The following SYAP1 variants were observed in gnomAD, a reference collection of about 807,000 sequenced individuals.
SYAP1 encodes synapse-associated protein 1.
A neutral mutation model predicts 29.6 loss-of-function variants in SYAP1; 3 were observed. The observed-to-expected ratio is 0.10, with a 90% CI of 0.05 to 0.26. The LOEUF is 0.26. Ranked by LOEUF, SYAP1 falls within the 10% of genes least tolerant of loss-of-function variation. The pLI is 1.00. For synonymous variants in SYAP1, 102 were observed against 102.7 expected, an observed-to-expected ratio of 0.99 and a Z score of 0.04; for missense variants, 217 against 264.1, an observed-to-expected ratio of 0.82 and a Z score of 1.24.
intron 1 of SYAP1, among the ~76,000 whole-genome samples, chrX:16,721,398 A>G (rs1925957494): frequency 9.1e-6 from 1 of 110,100 alleles, no homozygotes; most frequent in African/African-American, 3.3e-5. Context: ...CGCCCAGCTA[A>G]TTTTTGTATT....
Position 16,756,805 on chromosome X carries a change from T to A in SYAP1, c.783+84T>A, listed in dbSNP as rs60942197. 6.4e-3 allele frequency: 5,788 copies of A among 910,565 alleles called. 185 individuals carry two copies. The African/African-American group carries it at 0.099, about 16-fold the overall frequency. 75.0% of individuals were successfully genotyped at this position (910,565 alleles called of 1,213,427 possible). A position where few individuals can be genotyped will look rare whatever the true frequency, so the allele number is the denominator to read the frequency against. On this transcript the variant is annotated intron_variant, in intron 7 of 8. Transcript: ENST00000380155. ...AACTCTTTCTGATACCATTTAAAACTATGTATGAATATGGGTTTGGAAGAA... is the reference window on the plus strand; with the variant it reads ...AACTCTTTCTGATACCATTTAAAACAATGTATGAATATGGGTTTGGAAGAA...
intron 1 of SYAP1, among the ~76,000 whole-genome samples, chrX:16,729,052 G>GA (rs140902155): frequency 1.8e-4 from 17 of 95,684 alleles, no homozygotes; most frequent in Non-Finnish European, 1.5e-4. Flanking sequence ...AAAAAAAAAA[G>GA]AAAAAAAAAA....
intron 1 of SYAP1, among the ~76,000 whole-genome samples, chrX:16,725,523 T>G (rs1203250755): frequency 8.9e-6 from 1 of 112,002 alleles, no homozygotes; most frequent in Non-Finnish European, 1.9e-5. Context: ...TTCAACGTGG[T>G]GTCAGCTGAT....
Position 16,746,584 on chromosome X carries a change from G to A in SYAP1, c.575+2744G>A, listed in dbSNP as rs1043980147. On this transcript the variant is annotated intron_variant, in intron 5 of 8. Transcript: ENST00000380155. ...GGTTAAGGATATTTTTAGTTAAGGT[G>A]ATTTGTTTTGTTTTGGAGACGGAGT... Among the ~76,000 whole-genome samples, 3 of 109,722 alleles carry A rather than the reference G, an allele frequency of 2.7e-5. No individual in the cohort carries two copies. The East Asian group carries it at 8.6e-4, about 31-fold the overall frequency.
At chrX:16,735,128 T>C in intron 1 of SYAP1, 99 bp from the exon 2 acceptor site, 1 of 500,214 alleles carries the variant, frequency 2.0e-6, no homozygotes. Context: ...CAGGTCCTTA[T>C]GAACAAGGAA....
At chrX:16,742,867 A>C (rs141495564) in intron 4 of SYAP1, among the ~76,000 whole-genome samples, 2 of 107,233 alleles carry the variant, frequency 1.9e-5, no homozygotes, top group Non-Finnish European at 3.8e-5. Flanking sequence ...CTCTTGCCCA[A>C]CTTCCCAAAG....
intron 6 of SYAP1, 152 bp from the exon 7 acceptor site, chrX:16,756,511 C>T (rs931042436): frequency 2.0e-6 from 1 of 493,589 alleles, no homozygotes; most frequent in Non-Finnish European, 3.4e-6. Flanking sequence ...ATGGCTGTTT[C>T]TTATAACTTA....
At chrX:16,720,874 G>C (rs758281150) in intron 1 of SYAP1, among the ~76,000 whole-genome samples, 3 of 110,299 alleles carry the variant, frequency 2.7e-5, no homozygotes, top group Non-Finnish European at 5.7e-5. Context: ...ATAGCCGGGC[G>C]TGGTGGCGGG....
Position 16,762,273 on chromosome X carries a change from T to C in SYAP1, c.*1914T>C, listed in dbSNP as rs1185901112. 9.0e-6 allele frequency: 1 copy of C among 111,729 alleles called. No homozygotes were observed. Among genetic ancestry groups the C allele is most frequent in the Non-Finnish European group, 1.9e-5 (1 of 53,205 alleles). The allele number at this position is 111,729 out of a possible 1,213,427, so 9.2% of individuals were successfully genotyped here. ...CTTAGTGAATGCACTAAAATTCTTA[T>C]TGATAAATGTTGAATAAACACACAC... On this transcript the variant is annotated 3_prime_UTR_variant, in exon 9 of 9. Coordinates refer to ENST00000380155, the MANE Select transcript of SYAP1 (RefSeq NM_032796.4).
chrX:16,723,125 G>C (rs948288514), intron 1 of SYAP1, among the ~76,000 whole-genome samples: 7 of 111,905 alleles, frequency 6.3e-5, no homozygotes, highest in Non-Finnish European at 1.3e-4. Context: ...TATTGCAGTG[G>C]ACCTGTGTTA....
intron 3 of SYAP1, among the ~76,000 whole-genome samples, chrX:16,739,967 G>A (rs763399206): frequency 3.6e-5 from 4 of 111,175 alleles, no homozygotes; most frequent in East Asian, 2.8e-4. Flanking sequence ...CTTCTGTGCC[G>A]ATCACGCAGA....
Position 16,738,339 on chromosome X carries a change from T to C in SYAP1, c.361+2107T>C, listed in dbSNP as rs745703644. Among the ~76,000 whole-genome samples the C allele has an allele frequency of 2.7e-5, 3 of 111,804 alleles. No individual in the cohort carries two copies. In the Admixed American group the frequency reaches 2.9e-4, roughly 11 times the overall value. On this transcript the variant is annotated intron_variant, in intron 3 of 8. Transcript: ENST00000380155. ...CTGAGGCGCAAGAATTGCTTGAACC[T>C]GGGAGGTGGAGGTTGCAGTGAACCG...
chrX:16,755,296 T>A (rs1228658120), intron 6 of SYAP1, among the ~76,000 whole-genome samples: 1 of 110,712 alleles, frequency 9.0e-6, no homozygotes, highest in Non-Finnish European at 1.9e-5. Context: ...TTTACTTTGC[T>A]TATCTCCTTT....
At chrX:16,722,221 G>A (rs1365580970) in intron 1 of SYAP1, among the ~76,000 whole-genome samples, 1 of 111,676 alleles carries the variant, frequency 9.0e-6, no homozygotes, top group Non-Finnish European at 1.9e-5. Flanking sequence ...CATTTCTTAA[G>A]TCTTTTGAAA....
At position 16,756,736 on chromosome X, in the gene SYAP1, C is replaced by T. The variant is rs751668236; in HGVS notation, c.783+15C>T. 1.7e-6 allele frequency: 2 copies of T among 1,189,555 alleles called. No individual in the cohort carries two copies. Among genetic ancestry groups the T allele is most frequent in the South Asian group, 1.8e-5 (1 of 56,301 alleles). On this transcript the variant is annotated intron_variant, in intron 7 of 8. Coordinates refer to ENST00000380155, the MANE Select transcript of SYAP1 (RefSeq NM_032796.4). ...AAACTCAAGAGGTAATCCAGTTTTA[C>T]ATTGTACCTAGTAGTTGATATCTGG...
intron 5 of SYAP1, among the ~76,000 whole-genome samples, chrX:16,754,159 A>C (rs536634662): frequency 9.0e-6 from 1 of 111,619 alleles, no homozygotes; most frequent in Middle Eastern, 4.6e-3. Flanking sequence ...TCTCTTTCAT[A>C]AGGAACAACA....
At chrX:16,753,244 C>CA (rs770811287) in intron 5 of SYAP1, among the ~76,000 whole-genome samples, 229 of 41,105 alleles carry the variant, frequency 5.6e-3, no homozygotes, top group Middle Eastern at 0.016. Context: ...GACTCCGTCT[C>CA]AAAAAAAAAA....
chrX:16,741,928 CATG>C (rs1321800629), intron 4 of SYAP1, 139 bp downstream of exon 4: 1 of 435,695 alleles, frequency 2.3e-6, no homozygotes, highest in Admixed American at 3.8e-5. Flanking sequence ...CACATTAACA[CATG>C]ATGTGTACAT....
In SYAP1 at chrX:16,722,500, T is replaced by C. The variant is rs1463837442; in HGVS notation, c.175+2601T>C. 1.0e-4 allele frequency among the ~76,000 whole-genome samples: 11 copies of C among 106,130 alleles called. No individual in the cohort carries two copies. The Admixed American group carries it at 1.1e-3, about 11-fold the overall frequency. The allele number at this position is 106,130 out of a possible 115,157, so 92.2% of individuals were successfully genotyped here. ...CCGAGATCGCGCCACTGCACTCCAG[T>C]GTAGGTGACAAAGTGAGACTGCATC... On this transcript the variant is annotated intron_variant, in intron 1 of 8. Coordinates refer to ENST00000380155, the MANE Select transcript of SYAP1 (RefSeq NM_032796.4).
Sources: allele counts gnomAD v4.1 joint callset (sites outside exome capture counted in the v4.1 genomes callset), GRCh38; gene constraint gnomAD v4.1.1; transcripts MANE v1.5; gene names NCBI Gene and HGNC (gene_info 2026-07-23, HGNC 2026-07-21).